The following STX8 variants were observed in gnomAD, a reference collection of about 807,000 sequenced individuals.
STX8 encodes syntaxin 8.
In STX8, 23 loss-of-function variants were observed where a neutral mutation model predicts 37.5. That is an observed-to-expected ratio of 0.61 (90% CI 0.44 to 0.87). The LOEUF (loss-of-function observed/expected upper bound fraction) is 0.87, where lower values mean the gene tolerates loss of function less well. Among genes scored for constraint, STX8 ranks in the 40% least tolerant of loss-of-function variants. The pLI, the probability that STX8 is intolerant of heterozygous loss-of-function variation, is 0.00. For synonymous variants in STX8, 115 were observed against 99.1 expected (o/e 1.16, Z -0.95); for missense variants, 313 against 284.7 (o/e 1.10, Z -0.71).
At chr17:9,564,334 G>T (rs1178059870) in intron 2 of STX8, among the ~76,000 whole-genome samples, 2 of 151,554 alleles carry the variant, frequency 1.3e-5, no homozygotes, top group Non-Finnish European at 2.9e-5. Flanking sequence ...AGAGAGAAAG[G>T]AAGGAAAAGA....
At chr17:9,257,938 G>C (rs544765833) in intron 7 of STX8, among the ~76,000 whole-genome samples, 5 of 152,332 alleles carry the variant, frequency 3.3e-5, no homozygotes, top group South Asian at 2.1e-4. Flanking sequence ...GCGGTGAGCT[G>C]AGATTGCGCC....
At chr17:9,257,080 G>A (rs1240671651) in intron 7 of STX8, among the ~76,000 whole-genome samples, 3 of 152,170 alleles carry the variant, frequency 2.0e-5, no homozygotes, top group East Asian at 1.9e-4. Context: ...GGCACCTGGC[G>A]AGGCAGATTT....
chr17:9,461,129 C>T (rs1483273020), intron 6 of STX8: 4 of 151,998 alleles, frequency 2.6e-5, no homozygotes. Flanking sequence ...ATAATATTCC[C>T]AAGTGAGAGT....
intron 7 of STX8, among the ~76,000 whole-genome samples, chr17:9,355,508 T>A (rs1449731659): frequency 6.7e-6 from 1 of 149,890 alleles, no homozygotes; most frequent in Admixed American, 6.7e-5. Context: ...CAATTTTTTT[T>A]TTTTTTTTTT....
intron 3 of STX8, chr17:9,555,244 C>G (rs911936378): frequency 1.3e-5 from 2 of 152,094 alleles, no homozygotes; most frequent in African/African-American, 4.8e-5. Flanking sequence ...CAAAAATCTG[C>G]AAGATTTCAA....
At chr17:9,558,070 C>T (rs1907050763) in intron 2 of STX8, among the ~76,000 whole-genome samples, 1 of 152,182 alleles carries the variant, frequency 6.6e-6, no homozygotes, top group African/African-American at 2.4e-5. Context: ...GCTAACCACA[C>T]ATGACTCTTT....
At chr17:9,271,642 C>A (rs974086402) in intron 7 of STX8, among the ~76,000 whole-genome samples, 2 of 149,628 alleles carry the variant, frequency 1.3e-5, no homozygotes, top group African/African-American at 5.0e-5. Context: ...CCCAGCTACT[C>A]GGGAGGCTGA....
At chr17:9,391,742 T>C (rs972682088) in intron 6 of STX8, among the ~76,000 whole-genome samples, 2 of 150,512 alleles carry the variant, frequency 1.3e-5, no homozygotes, top group Non-Finnish European at 3.0e-5. Context: ...GGAAACCATA[T>C]TGCTATATAG....
At chr17:9,321,462 G>A (rs543554281) in intron 7 of STX8, among the ~76,000 whole-genome samples, 1 of 151,900 alleles carries the variant, frequency 6.6e-6, no homozygotes, top group East Asian at 1.9e-4. Context: ...CCCAGGAGGT[G>A]GAGTTTGCAG....
intron 6 of STX8, among the ~76,000 whole-genome samples, chr17:9,480,414 T>C (rs796680685): frequency 7.9e-5 from 12 of 152,336 alleles, no homozygotes; most frequent in African/African-American, 2.4e-4. Context: ...GATTAAAGGA[T>C]AGCTACGGAG....
At chr17:9,344,269 T>C (rs1419772741) in intron 7 of STX8, among the ~76,000 whole-genome samples, 2 of 151,590 alleles carry the variant, frequency 1.3e-5, no homozygotes, top group African/African-American at 2.4e-5. Flanking sequence ...TTTTTTTTTT[T>C]TTTTTTTTTG....
intron 6 of STX8, among the ~76,000 whole-genome samples, chr17:9,429,505 C>G (rs1913769128): frequency 7.0e-6 from 1 of 143,384 alleles, no homozygotes; most frequent in African/African-American, 2.6e-5. Context: ...AGATCAAGAC[C>G]ATCCTGGCTA....
At chr17:9,340,758 A>G (rs35369727) in intron 7 of STX8, among the ~76,000 whole-genome samples, 12,776 of 142,540 alleles carry the variant, frequency 0.09, 679 homozygotes, top group Middle Eastern at 0.18. Flanking sequence ...CCCGGGTTCA[A>G]GCGATTCTCC....
chr17:9,274,923 G>T (rs1907617956), intron 7 of STX8, among the ~76,000 whole-genome samples: 1 of 150,954 alleles, frequency 6.6e-6, no homozygotes, highest in Admixed American at 6.6e-5. Context: ...GCTAATTTTT[G>T]TATTTTTAGT....
intron 6 of STX8, among the ~76,000 whole-genome samples, chr17:9,407,599 G>A (rs1036760325): frequency 2.0e-5 from 3 of 151,592 alleles, no homozygotes; most frequent in Non-Finnish European, 4.4e-5. Context: ...ATTTTAGAGA[G>A]GCATAAAACA....
chr17:9,428,697 G>A (rs913629843), intron 6 of STX8, among the ~76,000 whole-genome samples: 12 of 152,134 alleles, frequency 7.9e-5, no homozygotes, highest in African/African-American at 1.2e-4. Flanking sequence ...ACCCAATATA[G>A]CCAAATATTA....
Position 9,568,477 on chromosome 17 carries a change from C to A in STX8, c.18-7G>T, listed in dbSNP as rs2151918907. On this transcript the variant is annotated splice_region_variant and splice_polypyrimidine_tract_variant and intron_variant, in intron 1 of 7. Coordinates refer to ENST00000306357, the MANE Select transcript of STX8 (RefSeq NM_004853.3). ...AGAATCGTATGTGGAGAACCTGCAC[C>A]AAAGTCGTAAAAAGAGAAAATGTTT... is the stretch of plus-strand genomic sequence containing the variant. 2.5e-6 allele frequency: 4 copies of A among 1,607,324 alleles called. No homozygotes were observed. Among genetic ancestry groups the A allele is most frequent in the Non-Finnish European group, 3.4e-6 (4 of 1,176,992 alleles).
chr17:9,406,162 T>C (rs1251965317), intron 6 of STX8, among the ~76,000 whole-genome samples: 1 of 152,226 alleles, frequency 6.6e-6, no homozygotes, highest in Non-Finnish European at 1.5e-5. Context: ...GCTGCAGACC[T>C]TAGTCTGCAG....
rs568947169 is a variant in STX8, at chr17:9,484,692, T to C, written c.541+7137A>G. Among the ~76,000 whole-genome samples, 11 of 148,046 alleles carry C rather than the reference T, an allele frequency of 7.4e-5. No homozygotes were observed. The South Asian group carries it at 2.3e-3, about 31-fold the overall frequency. ...AAAAAAAAAAATTAGCCGGGCATGG[T>C]GGTGCGTGCCCGTAATCCCAGCTAC... On this transcript the variant is annotated intron_variant, in intron 6 of 7. Coordinates refer to ENST00000306357, the MANE Select transcript of STX8 (RefSeq NM_004853.3).
Sources: gnomAD v4.1 joint callset for allele counts (sites outside exome capture counted in the v4.1 genomes callset) on GRCh38, gnomAD v4.1.1 for gene constraint, MANE v1.5 for transcripts, NCBI Gene and HGNC (gene_info 2026-07-23, HGNC 2026-07-21) for gene names.